Variants in CBFA2T2 observed in about 807,000 individuals in gnomAD.
CBFA2T2 encodes the protein protein CBFA2T2.
In CBFA2T2, 11 loss-of-function variants were observed where a neutral mutation model predicts 62.2. That is an observed-to-expected ratio of 0.18 (90% CI 0.11 to 0.29). The LOEUF (loss-of-function observed/expected upper bound fraction) is 0.29, where lower values mean the gene tolerates loss of function less well. CBFA2T2 is among the 10% of genes least tolerant of loss of function. The probability of loss-of-function intolerance (pLI) is 1.00; values close to 1 mark genes in which losing one functional copy is unlikely to be tolerated. For missense variants in CBFA2T2, 592 were observed against 774.1 expected (o/e 0.76, Z 2.79); for synonymous variants, 295 against 287.5 (o/e 1.03, Z -0.27).
chr20:33,597,170 A>G (rs1377125868), intron 1 of CBFA2T2, among the ~76,000 whole-genome samples: 1 of 151,958 alleles, frequency 6.6e-6, no homozygotes, highest in Non-Finnish European at 1.5e-5. Context: ...GACTCAAGCC[A>G]TCCTCCCACC....
In CBFA2T2 at chr20:33,490,277, G is replaced by A. The variant is rs759980648; in HGVS notation, c.10G>A (p.Val4Ile). ...GCGGCGGCGCTCGGCGATGGTAGGCGTCCCTGGAGCGGCCGCCTTCCAGCG... is the reference window on the plus strand; with the variant it reads ...GCGGCGGCGCTCGGCGATGGTAGGCATCCCTGGAGCGGCCGCCTTCCAGCG... MVGVPGAAAFQLGP... is the reference protein window; with the variant it reads MVGIPGAAAFQLGP... Residue 4 changes from valine to isoleucine, a missense_variant, in exon 1 of 11, where the codon GTC becomes ATC. Val to Ile is a conservative substitution (Grantham distance 29). This residue lies in a region of CBFA2T2 where 449 missense variants were observed against 551.2 expected (regional missense o/e 0.81). Transcript: ENST00000342704. 9.5e-6 allele frequency: 12 copies of A among 1,259,334 alleles called. No individual in the cohort carries two copies. The East Asian group carries it at 3.7e-4, about 39-fold the overall frequency. 78.0% of individuals were successfully genotyped at this position (1,259,334 alleles called of 1,614,324 possible).
intron 1 of CBFA2T2, among the ~76,000 whole-genome samples, chr20:33,515,103 C>T (rs2146857229): frequency 6.6e-6 from 1 of 151,554 alleles, no homozygotes. Flanking sequence ...AATCACAGCA[C>T]TTTGGGAGGC....
chr20:33,598,853 T>C (rs755032163), intron 1 of CBFA2T2, among the ~76,000 whole-genome samples: 4 of 152,260 alleles, frequency 2.6e-5, no homozygotes, highest in Admixed American at 2.0e-4. Context: ...TCTTCTGCCA[T>C]GGCTTCAGCC....
chr20:33,549,780 G>GT (rs1175292286), intron 1 of CBFA2T2, among the ~76,000 whole-genome samples: 2 of 151,710 alleles, frequency 1.3e-5, no homozygotes, highest in African/African-American at 2.4e-5. Context: ...GGGACAACAG[G>GT]TTTTTTCCCC....
intron 1 of CBFA2T2, among the ~76,000 whole-genome samples, chr20:33,510,066 C>G (rs919883808): frequency 4.6e-5 from 7 of 151,894 alleles, no homozygotes; most frequent in Non-Finnish European, 1.5e-5. Flanking sequence ...TGAGAACATG[C>G]GGTGTTTGGT....
At chr20:33,562,413 G>GT (rs2013118137) in intron 1 of CBFA2T2, 1 of 985,886 alleles carries the variant, frequency 1.0e-6, no homozygotes, top group African/African-American at 1.7e-5. Flanking sequence ...TTCTGGCAAG[G>GT]TGAAGAGCTG....
rs2017113021 is a variant in CBFA2T2, at chr20:33,648,029, A to G, written c.*3383A>G. 6.6e-6 allele frequency: 1 copy of G among 152,244 alleles called. No individual in the cohort carries two copies. Among genetic ancestry groups the G allele is most frequent in the Non-Finnish European group, 1.5e-5 (1 of 68,060 alleles). 9.4% of individuals were successfully genotyped at this position (152,244 alleles called of 1,614,324 possible). On this transcript the variant is annotated 3_prime_UTR_variant, in exon 11 of 11. Transcript: ENST00000342704. Reference sequence around the variant, plus strand: ...CACCATTGGGGCGGGGTAGGCAGCTAGAGGCGCAGGAGCGAATCCAGGTTC... The same window carrying G: ...CACCATTGGGGCGGGGTAGGCAGCTGGAGGCGCAGGAGCGAATCCAGGTTC...
chr20:33,495,740 A>G lies in CBFA2T2; in HGVS notation c.34+5439A>G, dbSNP rs117600461. 3.0e-4 allele frequency among the ~76,000 whole-genome samples: 45 copies of G among 152,274 alleles called. 1 individual carries two copies. In the East Asian group the frequency reaches 8.3e-3, roughly 28 times the overall value. On this transcript the variant is annotated intron_variant, in intron 1 of 10. Transcript: ENST00000342704. ...TAAGATTTAAATTCTAAAGTTTTGA[A>G]ATTTAATTCTGGAGTTGTGCTGAGG... is the stretch of plus-strand genomic sequence containing the variant.
intron 1 of CBFA2T2, among the ~76,000 whole-genome samples, chr20:33,600,182 G>GTTTTTTTTTTTTT (rs1183371343): frequency 4.8e-5 from 3 of 62,066 alleles, no homozygotes; most frequent in African/African-American, 6.5e-5. Context: ...CTTTTGGAAA[G>GTTTTTTTTTTTTT]TTTTTTTTTT....
At chr20:33,556,197 C>A (rs977421539) in intron 1 of CBFA2T2, among the ~76,000 whole-genome samples, 2 of 152,166 alleles carry the variant, frequency 1.3e-5, no homozygotes, top group Admixed American at 6.5e-5. Flanking sequence ...AGTTCTTCAG[C>A]CTGCCTGCCT....
intron 1 of CBFA2T2, among the ~76,000 whole-genome samples, chr20:33,543,348 ATAT>A (rs1600949654): frequency 2.6e-5 from 4 of 152,310 alleles, no homozygotes; most frequent in African/African-American, 7.2e-5. Flanking sequence ...TTTGTATTAG[ATAT>A]TATAGGGAAA....
At chr20:33,627,112 G>C (rs548380494) in intron 6 of CBFA2T2, among the ~76,000 whole-genome samples, 1 of 151,922 alleles carries the variant, frequency 6.6e-6, no homozygotes, top group East Asian at 1.9e-4. Flanking sequence ...AACTGCTTGC[G>C]GGCGGTCTGG....
chr20:33,542,906 A>G (rs564359083), intron 1 of CBFA2T2, among the ~76,000 whole-genome samples: 100 of 152,192 alleles, frequency 6.6e-4, no homozygotes, highest in African/African-American at 2.3e-3. Flanking sequence ...GACTCAAACA[A>G]TCTGCCTGCC....
intron 2 of CBFA2T2, among the ~76,000 whole-genome samples, chr20:33,608,253 G>A (rs1490989829): frequency 2.0e-5 from 3 of 152,108 alleles, no homozygotes; most frequent in Admixed American, 6.5e-5. Context: ...AGTTCACTTT[G>A]ACACTCTGCA....
At position 33,607,000 on chromosome 20, in the gene CBFA2T2, G is replaced by A; in HGVS notation, c.79G>A (p.Glu27Lys). ...RVPAMPGSPV[E>K]VKIQSRSSPP... ...GCCAGCGATGCCTGGATCGCCTGTGGAAGTGAAGATACAGTCCAGATCCTC... is the reference window on the plus strand; with the variant it reads ...GCCAGCGATGCCTGGATCGCCTGTGAAAGTGAAGATACAGTCCAGATCCTC... The change falls in exon 2 of 11, where the codon GAA (glutamate) becomes AAA (lysine). Residue 27 changes from glutamate to lysine, a missense_variant. Physicochemically the swap from Glu to Lys is moderately conservative, Grantham distance 56. This residue lies in a region of CBFA2T2 where 449 missense variants were observed against 551.2 expected (regional missense o/e 0.81). Transcript: ENST00000342704. 6.2e-7 allele frequency: 1 copy of A among 1,613,922 alleles called. No individual in the cohort carries two copies. The highest frequency in any genetic ancestry group is 8.5e-7 in the Non-Finnish European group (1 of 1,179,904).
intron 1 of CBFA2T2, among the ~76,000 whole-genome samples, chr20:33,522,140 G>A (rs2011746651): frequency 6.6e-6 from 1 of 152,078 alleles, no homozygotes; most frequent in Non-Finnish European, 1.5e-5. Flanking sequence ...TAGACTCTTG[G>A]AAGGAAGACT....
At chr20:33,500,828 A>G (rs2011267649) in intron 1 of CBFA2T2, among the ~76,000 whole-genome samples, 2 of 152,240 alleles carry the variant, frequency 1.3e-5, no homozygotes, top group East Asian at 1.9e-4. Flanking sequence ...GATGAATTAA[A>G]AAAATAAAAA....
intron 1 of CBFA2T2, among the ~76,000 whole-genome samples, chr20:33,553,133 CT>C (rs2146886310): frequency 6.6e-6 from 1 of 152,300 alleles, no homozygotes; most frequent in Admixed American, 6.5e-5. Context: ...TTTTTCTTTA[CT>C]GTGTCTCCTG....
chr20:33,600,233 C>G (rs2015077327), intron 1 of CBFA2T2: 1 of 67,150 alleles, frequency 1.5e-5, no homozygotes, highest in Admixed American at 2.5e-4. Flanking sequence ...TTGCTGTTTT[C>G]CAGGCTGGAG....
Sources: allele counts gnomAD v4.1 joint callset (sites outside exome capture counted in the v4.1 genomes callset), GRCh38; gene constraint gnomAD v4.1.1; regional missense constraint gnomAD v4.1.1; transcripts MANE v1.5; gene names NCBI Gene and HGNC (gene_info 2026-07-23, HGNC 2026-07-21).